The following KLHDC8B variants were observed in gnomAD, a reference collection of about 807,000 sequenced individuals.
KLHDC8B encodes kelch domain containing 8B, also known as kelch domain-containing protein 8B.
A neutral mutation model predicts 26.3 loss-of-function variants in KLHDC8B; 19 were observed. The observed-to-expected ratio is 0.72, with a 90% CI of 0.50 to 1.06. The LOEUF (loss-of-function observed/expected upper bound fraction) is 1.06, where lower values mean the gene tolerates loss of function less well. Among genes scored for constraint, KLHDC8B ranks in the 50% least tolerant of loss-of-function variants. The pLI, the probability that KLHDC8B is intolerant of heterozygous loss-of-function variation, is 0.00. For synonymous variants in KLHDC8B, 150 were observed against 188.4 expected (o/e 0.80, Z 1.67); for missense variants, 411 against 488.1 (o/e 0.84, Z 1.49).
intron 2 of KLHDC8B, 173 bp from the exon 3 acceptor site, chr3:49,174,066 G>T: frequency 2.0e-6 from 1 of 504,930 alleles, no homozygotes; most frequent in South Asian, 3.4e-5. Flanking sequence ...GCCAGAGTAG[G>T]AATCCCAGAT....
In KLHDC8B at chr3:49,175,050, C is replaced by T. The variant is rs753020833; in HGVS notation, c.767-12C>T. On this transcript the variant is annotated splice_polypyrimidine_tract_variant and intron_variant, in intron 4 of 5. Transcript: ENST00000332780. ...GTGTACATGACTAGATCTGACCTCC[C>T]CTCTCCTGCAGGGTCCTGGACCAAA... 1.5e-5 allele frequency: 24 copies of T among 1,613,846 alleles called. No individual in the cohort carries two copies. The highest frequency in any genetic ancestry group is 1.9e-5 in the Non-Finnish European group (22 of 1,179,896).
chr3:49,172,594 G>T, intron 1 of KLHDC8B, 42 bp from the exon 2 acceptor site: 1 of 629,700 alleles, frequency 1.6e-6, no homozygotes, highest in South Asian at 2.0e-5. Context: ...TTCCTGAGGG[G>T]CCGGTCAGTG....
rs2045796103 is a variant in KLHDC8B, at chr3:49,174,109, T to C, written c.377-130T>C. The C allele has an allele frequency of 5.0e-6, 3 of 594,244 alleles. No homozygotes were observed. In the South Asian group the frequency reaches 7.5e-5, roughly 15 times the overall value. 36.8% of individuals were successfully genotyped at this position (594,244 alleles called of 1,614,324 possible). On this transcript the variant is annotated intron_variant, in intron 2 of 5. Transcript: ENST00000332780. ...CCCCCACTGCAGGCAGGTAGTAGAG[T>C]GTCTGTTGCTGGGGAGGGATGCTAT...
chr3:49,175,031 A>C (rs2045812820), intron 4 of KLHDC8B, 31 bp from the exon 5 acceptor site: 2 of 1,613,932 alleles, frequency 1.2e-6, no homozygotes, highest in South Asian at 2.2e-5. Flanking sequence ...TAGTGTGTAC[A>C]TGACTAGATC....
At position 49,175,652 on chromosome 3, in the gene KLHDC8B, C is replaced by T. The variant is rs749203464; in HGVS notation, c.916C>T (p.Arg306Trp). The change falls in exon 6 of 6, where the codon CGG becomes TGG. Residue 306 changes from arginine to tryptophan, a missense_variant. By Grantham distance (101) the Arg-to-Trp change is moderately radical. Coordinates refer to ENST00000332780, the MANE Select transcript of KLHDC8B (RefSeq NM_173546.3). ...LGSVESFSLA[R>W]RRWEALPAMP... ...CTCTGTGGAGAGCTTTAGCCTTGCACGGCGGCGCTGGGAGGCATTGCCTGC... is the reference window on the plus strand; with the variant it reads ...CTCTGTGGAGAGCTTTAGCCTTGCATGGCGGCGCTGGGAGGCATTGCCTGC... The T allele has an allele frequency of 6.2e-5, 100 of 1,604,168 alleles. No homozygotes were observed. Among genetic ancestry groups the T allele is most frequent in the Admixed American group, 8.4e-5 (5 of 59,174 alleles).
In KLHDC8B at chr3:49,176,035, C is replaced by T. The variant is rs2045825938; in HGVS notation, c.*234C>T. On this transcript the variant is annotated 3_prime_UTR_variant, in exon 6 of 6. Transcript: ENST00000332780. ...CCATTCGTTCATGAATCATGCCTAG[C>T]TCCATCCTTGCCCTGGGACCTACTA... The T allele has an allele frequency of 4.1e-5, 22 of 537,126 alleles. No homozygotes were observed. In the South Asian group the frequency reaches 4.6e-4, roughly 11 times the overall value. 33.3% of individuals were successfully genotyped at this position (537,126 alleles called of 1,614,324 possible).
At position 49,172,272 on chromosome 3, in the gene KLHDC8B, C is replaced by T. The variant is rs534591826; in HGVS notation, c.-134-364C>T. 2.6e-5 allele frequency among the ~76,000 whole-genome samples: 4 copies of T among 152,266 alleles called. No homozygotes were observed. The South Asian group carries it at 6.2e-4, about 24-fold the overall frequency. On this transcript the variant is annotated intron_variant, in intron 1 of 5. Transcript: ENST00000332780. ...CAGTAAGGACTCCCCTCATGCAGGA[C>T]CAGCGTGAGGCTTGTTGAGGGGAAA...
Position 49,174,528 on chromosome 3 carries a change from T to G in KLHDC8B, c.541+125T>G, listed in dbSNP as rs2045802649. 2.4e-6 allele frequency: 3 copies of G among 1,231,742 alleles called. No homozygotes were observed. In the South Asian group the frequency reaches 4.6e-5, roughly 19 times the overall value. 76.3% of individuals were successfully genotyped at this position (1,231,742 alleles called of 1,614,324 possible). A position where few individuals can be genotyped will look rare whatever the true frequency, so the allele number is the denominator to read the frequency against. On this transcript the variant is annotated intron_variant, in intron 3 of 5. Transcript: ENST00000332780. ...AACAAGAGAAGCTTTGTTGGGGTGA[T>G]CCATGCCTGCTCTGAGGCTCTGACC...
intron 3 of KLHDC8B, 91 bp from the exon 4 acceptor site, chr3:49,174,651 G>A (rs944210185): frequency 6.8e-7 from 1 of 1,480,798 alleles, no homozygotes; most frequent in Non-Finnish European, 9.0e-7. Context: ...CAGGATGTGG[G>A]AGGCTGAGGC....
rs1210430614 is a variant in KLHDC8B at position 49,173,067 on chromosome 3, T to C, written c.298T>C (p.Phe100Leu). The C allele has an allele frequency of 2.5e-6, 4 of 1,605,010 alleles. No homozygotes were observed. In the East Asian group the frequency reaches 6.7e-5, roughly 27 times the overall value. Reference protein sequence around the residue: ...VQSPVAAVEAFLMDEGRWERR... With the variant: ...VQSPVAAVEALLMDEGRWERR... ...GAGCCCGGTAGCTGCTGTAGAGGCCTTCCTGATGGATGAGGGCCGCTGGGA... is the reference window on the plus strand; with the variant it reads ...GAGCCCGGTAGCTGCTGTAGAGGCCCTCCTGATGGATGAGGGCCGCTGGGA... Residue 100 changes from phenylalanine (F) to leucine (L), a missense_variant, in exon 2 of 6, where the codon TTC becomes CTC. Phe to Leu is a conservative substitution (Grantham distance 22). Transcript: ENST00000332780.
intron 3 of KLHDC8B, 37 bp from the exon 4 acceptor site, chr3:49,174,705 C>T (rs777060048): frequency 1.3e-6 from 2 of 1,570,114 alleles, no homozygotes; most frequent in African/African-American, 2.7e-5. Flanking sequence ...ACCAAGCCTC[C>T]TGGGCTCCTT....
chr3:49,172,104 A>C (rs926362599), intron 1 of KLHDC8B, among the ~76,000 whole-genome samples: 6 of 152,044 alleles, frequency 3.9e-5, no homozygotes, highest in African/African-American at 1.4e-4. Context: ...TCTGAAACAC[A>C]CCCTGACTCT....
chr3:49,175,500 A>G (rs2045818482), intron 5 of KLHDC8B, 105 bp from the exon 6 acceptor site: 1 of 808,450 alleles, frequency 1.2e-6, no homozygotes, highest in Admixed American at 2.3e-5. Flanking sequence ...CTGATAGCTC[A>G]TCCTGGGGTG....
Position 49,173,101 on chromosome 3 carries a change from C to T in KLHDC8B, c.332C>T (p.Ala111Val). ...LMDEGRWERR[A>V]TLPQAAMGVA... ...GATGAGGGCCGCTGGGAGCGTCGGG[C>T]CACCCTCCCTCAAGCAGCCATGGGG... The change falls in exon 2 of 6, where the codon GCC becomes GTC. Residue 111 changes from alanine (A) to valine (V), a missense_variant. Ala to Val is a moderately conservative substitution (Grantham distance 64). Transcript: ENST00000332780. The T allele has an allele frequency of 6.3e-7, 1 of 1,582,042 alleles. No individual in the cohort carries two copies. The highest frequency in any genetic ancestry group is 8.6e-7 in the Non-Finnish European group (1 of 1,164,418).
intron 3 of KLHDC8B, 42 bp from the exon 4 acceptor site, chr3:49,174,700 G>A (rs1284279174): frequency 6.4e-7 from 1 of 1,558,478 alleles, no homozygotes; most frequent in African/African-American, 1.4e-5. Flanking sequence ...AGCCCACCAA[G>A]CCTCCTGGGC....
In KLHDC8B at chr3:49,174,776, T is replaced by A; in HGVS notation, c.576T>A (p.Phe192Leu). 1 of 1,612,444 alleles carries A rather than the reference T, an allele frequency of 6.2e-7. No homozygotes were observed. The highest frequency in any genetic ancestry group is 2.2e-5 in the East Asian group (1 of 44,828). Residue 192 changes from phenylalanine to leucine, a missense_variant, in exon 4 of 6, where the codon TTT (phenylalanine) becomes TTA (leucine). Transcript: ENST00000332780. ...AGGGCAAGCTCCCGGTGACTGCTTT[T>A]GAAGCCTTTGATCTGGAGGCCCGTA... ...GRQGKLPVTA[F>L]EAFDLEARTW...
At chr3:49,174,589 C>T (rs2045803663) in intron 3 of KLHDC8B, 153 bp from the exon 4 acceptor site, 1 of 777,974 alleles carries the variant, frequency 1.3e-6, no homozygotes, top group African/African-American at 1.9e-5. Context: ...AACCAAACCC[C>T]AGTACCTGAG....
At position 49,175,981 on chromosome 3, in the gene KLHDC8B, C is replaced by T; in HGVS notation, c.*180C>T. 1.6e-6 allele frequency: 1 copy of T among 610,690 alleles called. No homozygotes were observed. The highest frequency in any genetic ancestry group is 2.9e-6 in the Non-Finnish European group (1 of 343,478). The allele number at this position is 610,690 out of a possible 1,614,324, so 37.8% of individuals were successfully genotyped here. ...GGGAGCCTTTGTCTTTAGTGCAGGA[C>T]ACACATATGCTTACACCTACCTTTA... On this transcript the variant is annotated 3_prime_UTR_variant, in exon 6 of 6. Transcript: ENST00000332780.
intron 5 of KLHDC8B, 151 bp downstream of exon 5, chr3:49,175,314 G>C: frequency 1.5e-6 from 1 of 669,334 alleles, no homozygotes. Flanking sequence ...GGCAGGATGT[G>C]GTCTGCCTGG....
Sources: allele counts gnomAD v4.1 joint callset (sites outside exome capture counted in the v4.1 genomes callset), GRCh38; gene constraint gnomAD v4.1.1; transcripts MANE v1.5; gene names NCBI Gene and HGNC (gene_info 2026-07-23, HGNC 2026-07-21).